CCDC91: variants seen among roughly 807,000 people sequenced by gnomAD.
CCDC91 encodes coiled-coil domain-containing protein 91.
A neutral mutation model predicts 63.2 loss-of-function variants in CCDC91; 48 were observed. The ratio of observed to expected loss-of-function variants is 0.76; its 90% CI spans 0.60 to 0.97. The LOEUF (loss-of-function observed/expected upper bound fraction) is 0.97, where lower values mean the gene tolerates loss of function less well. Among genes scored for constraint, CCDC91 ranks in the 50% least tolerant of loss-of-function variants. The pLI, the probability that CCDC91 is intolerant of heterozygous loss-of-function variation, is 0.00. For missense variants in CCDC91, 500 were observed against 494.6 expected (o/e 1.01, Z -0.10); for synonymous variants, 167 against 165.8 (o/e 1.01, Z -0.06).
chr12:28,392,998 A>T (rs189592833), intron 8 of CCDC91, among the ~76,000 whole-genome samples: 15 of 152,344 alleles, frequency 9.8e-5, no homozygotes, highest in African/African-American at 2.9e-4. Flanking sequence ...TTAGTATGTA[A>T]CAACTTTAAA....
At chr12:28,428,906 G>T (rs1005167543) in intron 8 of CCDC91, among the ~76,000 whole-genome samples, 1 of 152,016 alleles carries the variant, frequency 6.6e-6, no homozygotes, top group Non-Finnish European at 1.5e-5. Context: ...TTGAGGAGTG[G>T]GCAGGGAGTC....
chr12:28,539,264 A>G (rs1456396013), intron 12 of CCDC91, among the ~76,000 whole-genome samples: 1 of 152,148 alleles, frequency 6.6e-6, no homozygotes, highest in Non-Finnish European at 1.5e-5. Context: ...TCTTTAATCC[A>G]TCTTGAATTA....
chr12:28,305,831 G>T (rs1565768794), intron 4 of CCDC91, 25 bp downstream of exon 4: 1 of 1,581,158 alleles, frequency 6.3e-7, no homozygotes, highest in Non-Finnish European at 8.6e-7. Flanking sequence ...ATTTTTAAAG[G>T]AGGTTTGCAT....
intron 1 of CCDC91, among the ~76,000 whole-genome samples, chr12:28,240,245 G>T (rs1251248448): frequency 2.0e-5 from 3 of 151,948 alleles, no homozygotes; most frequent in Non-Finnish European, 4.4e-5. Context: ...GTTTTCTACC[G>T]TTTTCACTGT....
intron 3 of CCDC91, among the ~76,000 whole-genome samples, chr12:28,274,359 T>C (rs950765408): frequency 2.0e-5 from 3 of 152,126 alleles, no homozygotes; most frequent in Non-Finnish European, 4.4e-5. Flanking sequence ...TTAAAGTAGT[T>C]TTTTCCAGTT....
intron 8 of CCDC91, among the ~76,000 whole-genome samples, chr12:28,403,712 A>G (rs1592568333): frequency 6.6e-6 from 1 of 152,178 alleles, no homozygotes; most frequent in Non-Finnish European, 1.5e-5. Flanking sequence ...TTTAATAGAT[A>G]TAGGCCTACT....
At chr12:28,256,972 C>G (rs1015129118) in intron 1 of CCDC91, 2 of 433,076 alleles carry the variant, frequency 4.6e-6, no homozygotes. Flanking sequence ...TTTTCCACTC[C>G]TGGCATCTCA....
intron 6 of CCDC91, among the ~76,000 whole-genome samples, chr12:28,360,540 G>T (rs1205285400): frequency 6.6e-6 from 1 of 152,136 alleles, no homozygotes. Context: ...GATTGTATAG[G>T]AAGTTTATGT....
rs537081152 is a variant in CCDC91 at position 28,520,779 on chromosome 12, T to C, written c.1216-28284T>C. On this transcript the variant is annotated intron_variant, in intron 12 of 12. Transcript: ENST00000536442. ...TGTAAGGAAGGGATCCAGTTTCAGCTTTCTACATATGGCTAGCCAGTTTTC... is the reference window on the plus strand; with the variant it reads ...TGTAAGGAAGGGATCCAGTTTCAGCCTTCTACATATGGCTAGCCAGTTTTC... Among the ~76,000 whole-genome samples the C allele has an allele frequency of 1.4e-4, 21 of 152,358 alleles. No homozygotes were observed. The East Asian group carries it at 3.5e-3, about 25-fold the overall frequency.
At chr12:28,250,421 A>G (rs766399959) in intron 1 of CCDC91, among the ~76,000 whole-genome samples, 1 of 152,164 alleles carries the variant, frequency 6.6e-6, no homozygotes, top group Non-Finnish European at 1.5e-5. Flanking sequence ...AGTAGAATTC[A>G]TAGTATGGCA....
chr12:28,365,162 A>G (rs1944192877), intron 7 of CCDC91, among the ~76,000 whole-genome samples: 1 of 152,204 alleles, frequency 6.6e-6, no homozygotes, highest in Non-Finnish European at 1.5e-5. Context: ...TAACATCTGA[A>G]AATTTTACAT....
chr12:28,499,567 C>A (rs1952510289), intron 12 of CCDC91, among the ~76,000 whole-genome samples: 1 of 151,852 alleles, frequency 6.6e-6, no homozygotes, highest in Admixed American at 6.6e-5. Flanking sequence ...CATGTGTTCT[C>A]ATTGTTCAAC....
At chr12:28,350,678 G>C (rs931228844) in intron 6 of CCDC91, among the ~76,000 whole-genome samples, 1 of 152,172 alleles carries the variant, frequency 6.6e-6, no homozygotes, top group African/African-American at 2.4e-5. Flanking sequence ...TGAAATTAAT[G>C]TGTCAGCAGG....
chr12:28,294,716 C>T (rs1042431274), intron 3 of CCDC91, among the ~76,000 whole-genome samples: 1 of 152,098 alleles, frequency 6.6e-6, no homozygotes, highest in Non-Finnish European at 1.5e-5. Flanking sequence ...TCCCGAGTAG[C>T]TGGGATTACA....
chr12:28,369,259 C>T (rs960307837), intron 7 of CCDC91, among the ~76,000 whole-genome samples: 15 of 152,154 alleles, frequency 9.9e-5, no homozygotes, highest in African/African-American at 3.1e-4. Flanking sequence ...TTGGTAAATG[C>T]TCCCATTCAA....
At chr12:28,361,466 C>T (rs11049552) in intron 6 of CCDC91, among the ~76,000 whole-genome samples, 30,743 of 151,870 alleles carry the variant, frequency 0.2, 4,079 homozygotes, top group Non-Finnish European at 0.3. Flanking sequence ...ACTTTTTTCT[C>T]GTCTTTTTTC....
chr12:28,263,741 CTG>C (rs1364192455), intron 3 of CCDC91, among the ~76,000 whole-genome samples: 1 of 152,000 alleles, frequency 6.6e-6, no homozygotes, highest in Non-Finnish European at 1.5e-5. Context: ...AGGGTAGTGA[CTG>C]TGTTTTAAAC....
chr12:28,503,994 G>C (rs1160183192), intron 12 of CCDC91, among the ~76,000 whole-genome samples: 1 of 151,888 alleles, frequency 6.6e-6, no homozygotes, highest in Non-Finnish European at 1.5e-5. Context: ...TAAATGATGA[G>C]TTAATGGGTA....
At chr12:28,348,833 C>G (rs572983384) in intron 6 of CCDC91, among the ~76,000 whole-genome samples, 1 of 152,110 alleles carries the variant, frequency 6.6e-6, no homozygotes, top group Non-Finnish European at 1.5e-5. Context: ...AAGCGATTCT[C>G]CCACTTCAGC....
Sources: allele counts gnomAD v4.1 joint callset (sites outside exome capture counted in the v4.1 genomes callset), GRCh38; gene constraint gnomAD v4.1.1; transcripts MANE v1.5; gene names NCBI Gene and HGNC (gene_info 2026-07-23, HGNC 2026-07-21).